The following DNMT1 variants were observed in gnomAD, a reference collection of about 807,000 sequenced individuals.
DNMT1 encodes DNA (cytosine-5)-methyltransferase 1.
A neutral mutation model predicts 205.3 loss-of-function variants in DNMT1; 24 were observed. The observed-to-expected ratio is 0.12, with a 90% CI of 0.08 to 0.16. The LOEUF (loss-of-function observed/expected upper bound fraction) is 0.16, where lower values mean the gene tolerates loss of function less well. DNMT1 is among the 10% of genes least tolerant of loss of function. The pLI, the probability that DNMT1 is intolerant of heterozygous loss-of-function variation, is 1.00. For missense variants in DNMT1, 1,293 were observed against 2,177.7 expected, an observed-to-expected ratio of 0.59 and a Z score of 8.09; for synonymous variants, 817 against 839.8, an observed-to-expected ratio of 0.97 and a Z score of 0.47.
chr19:10,180,068 C>T (rs2039015481), intron 5 of DNMT1, 119 bp downstream of exon 5: 1 of 446,172 alleles, frequency 2.2e-6, no homozygotes, highest in Non-Finnish European at 4.1e-6. Flanking sequence ...AATCCCAGCA[C>T]TTTGGGAGGC....
intron 27 of DNMT1, among the ~76,000 whole-genome samples, chr19:10,147,194 C>G (rs1017521518): frequency 6.6e-6 from 1 of 151,598 alleles, no homozygotes; most frequent in Non-Finnish European, 1.5e-5. Flanking sequence ...CCCAGCAGGT[C>G]GAGGCTACAG....
At position 10,148,445 on chromosome 19, in the gene DNMT1, A is replaced by G. The variant is rs149549709; in HGVS notation, c.2720+439T>C. Among the ~76,000 whole-genome samples the G allele has an allele frequency of 2.6e-3, 390 of 150,956 alleles. 2 individuals carry two copies. The highest frequency in any genetic ancestry group is 9.0e-3 in the African/African-American group (370 of 41,326). On this transcript the variant is annotated intron_variant, in intron 27 of 40. Coordinates refer to ENST00000359526, the MANE Select transcript of DNMT1 (RefSeq NM_001130823.3). ...CAGGAAGCTGAGTTTGCAGTAAGCCAAGATCGCACCACTGCACTCCAGCCT... is the reference window on the plus strand; with the variant it reads ...CAGGAAGCTGAGTTTGCAGTAAGCCGAGATCGCACCACTGCACTCCAGCCT...
intron 31 of DNMT1, 89 bp downstream of exon 31, chr19:10,141,016 C>T: frequency 6.2e-7 from 1 of 1,612,878 alleles, no homozygotes; most frequent in Non-Finnish European, 8.5e-7. Context: ...GAGTCAGTAA[C>T]ACCAGAGGTG....
At chr19:10,136,056 C>G (rs982765710) in intron 38 of DNMT1, 65 bp downstream of exon 38, 1 of 1,608,444 alleles carries the variant, frequency 6.2e-7, no homozygotes, top group Non-Finnish European at 8.5e-7. Flanking sequence ...ACCCACACTT[C>G]CACCTAGTTA....
chr19:10,133,586 C>G lies in DNMT1; in HGVS notation c.*81G>C. The G allele has an allele frequency of 6.7e-7, 1 of 1,489,912 alleles. No homozygotes were observed. The highest frequency in any genetic ancestry group is 9.2e-7 in the Non-Finnish European group (1 of 1,090,306). The allele number at this position is 1,489,912 out of a possible 1,614,324, so 92.3% of individuals were successfully genotyped here. A position where few individuals can be genotyped will look rare whatever the true frequency, so the allele number is the denominator to read the frequency against. ...ACCATGTACCACACATGTGAACGGA[C>G]AGATTGACATGTTAAAAACACAACA... On this transcript the variant is annotated 3_prime_UTR_variant, in exon 41 of 41. Transcript: ENST00000359526. The surrounding 1 kb of genome is among the most constrained non-coding windows in gnomAD (Gnocchi z 4.1).
intron 19 of DNMT1, 105 bp from the exon 20 acceptor site, chr19:10,155,161 G>A (rs1253561367): frequency 6.9e-7 from 1 of 1,452,410 alleles, no homozygotes; most frequent in African/African-American, 1.4e-5. Context: ...CAGTCTAAAA[G>A]TCATCCCGTA....
intron 9 of DNMT1, among the ~76,000 whole-genome samples, chr19:10,171,313 C>T (rs1349523792): frequency 6.6e-6 from 1 of 152,100 alleles, no homozygotes; most frequent in Non-Finnish European, 1.5e-5. Context: ...ATTAGATCTT[C>T]ACCAAGATCT....
In DNMT1 at chr19:10,148,340, C is replaced by A. The variant is rs1265287555; in HGVS notation, c.2720+544G>T. Among the ~76,000 whole-genome samples the A allele has an allele frequency of 3.4e-5, 5 of 148,056 alleles. No individual in the cohort carries two copies. In the East Asian group the frequency reaches 1.0e-3, roughly 30 times the overall value. On this transcript the variant is annotated intron_variant, in intron 27 of 40. Coordinates refer to ENST00000359526, the MANE Select transcript of DNMT1 (RefSeq NM_001130823.3). ...TGAAACCTCGTCTCTACTAAAAATACAAAAAACTAGCCGGGTGTGGTGGCA... is the reference window on the plus strand; with the variant it reads ...TGAAACCTCGTCTCTACTAAAAATAAAAAAAACTAGCCGGGTGTGGTGGCA...
intron 1 of DNMT1, among the ~76,000 whole-genome samples, chr19:10,182,465 GTGTA>G (rs2039079569): frequency 8.3e-6 from 1 of 121,170 alleles, no homozygotes; most frequent in Non-Finnish European, 1.8e-5. Context: ...ATATATATGT[GTGTA>G]TATATATACA....
At chr19:10,172,912 A>G (rs1485952953) in intron 9 of DNMT1, among the ~76,000 whole-genome samples, 178 bp downstream of exon 9, 1 of 152,190 alleles carries the variant, frequency 6.6e-6, no homozygotes, top group Non-Finnish European at 1.5e-5. Flanking sequence ...TTTCATGTAG[A>G]GACCACGAGA....
At chr19:10,148,763 C>A (rs764730947) in intron 27 of DNMT1, 121 bp downstream of exon 27, 1 of 1,560,528 alleles carries the variant, frequency 6.4e-7, no homozygotes. Context: ...TGGCCTTTGA[C>A]GAGCAAGAGA....
At chr19:10,176,167 C>G (rs1172191561) in intron 6 of DNMT1, among the ~76,000 whole-genome samples, 2 of 134,592 alleles carry the variant, frequency 1.5e-5, no homozygotes, top group African/African-American at 2.8e-5. Flanking sequence ...GACTCCGTAT[C>G]AAAAAAAAAA....
Position 10,159,521 on chromosome 19 carries a change from T to A in DNMT1, c.1280+137A>T. The A allele has an allele frequency of 1.1e-6, 1 of 923,786 alleles. No homozygotes were observed. Among genetic ancestry groups the A allele is most frequent in the Non-Finnish European group, 1.7e-6 (1 of 590,622 alleles). 57.2% of individuals were successfully genotyped at this position (923,786 alleles called of 1,614,324 possible). A position where few individuals can be genotyped will look rare whatever the true frequency, so the allele number is the denominator to read the frequency against. ...ACCGCGCCCAGCCCTCCACGGTGGC[T>A]CTTATCCACGAAGTGTTAGCTTAAG... is the stretch of plus-strand genomic sequence containing the variant. On this transcript the variant is annotated intron_variant, in intron 17 of 40. Transcript: ENST00000359526. This position sits in a 1 kb window ranked among gnomAD's most constrained non-coding sequence, Gnocchi z 5.0.
Position 10,143,933 on chromosome 19 carries a change from G to C in DNMT1, c.2949C>G (p.Asp983Glu). Residue 983 changes from aspartate (D) to glutamate (E), a missense_variant, in exon 29 of 41, where the codon GAC becomes GAG. Around this residue, in one of 13 missense-constraint regions of DNMT1, gnomAD observed 167 missense variants for 258.1 expected, o/e 0.65. Coordinates refer to ENST00000359526, the MANE Select transcript of DNMT1 (RefSeq NM_001130823.3). ...ATTTCCGGTAGTGCTCTGGGTACAG[G>C]TCCTCATCCACGGGCTCCTTCCGTG... ...KRPRKEPVDE[D>E]LYPEHYRKYS... 1 of 1,614,136 alleles carries C rather than the reference G, an allele frequency of 6.2e-7. No homozygotes were observed. Among genetic ancestry groups the C allele is most frequent in the Non-Finnish European group, 8.5e-7 (1 of 1,180,026 alleles).
intron 1 of DNMT1, among the ~76,000 whole-genome samples, chr19:10,188,999 G>A (rs899485451): frequency 3.3e-5 from 5 of 152,134 alleles, no homozygotes; most frequent in South Asian, 4.1e-4. Context: ...ATTTTCATCC[G>A]GTGAAACCCA....
At chr19:10,141,609 C>T (rs893485918) in intron 30 of DNMT1, 11 of 339,998 alleles carry the variant, frequency 3.2e-5, no homozygotes, top group African/African-American at 2.3e-4. Context: ...TAACGAGGGC[C>T]ACCCGCACAG....
At chr19:10,181,825 T>C (rs919742458) in intron 2 of DNMT1, among the ~76,000 whole-genome samples, 2 of 151,546 alleles carry the variant, frequency 1.3e-5, no homozygotes, top group African/African-American at 2.4e-5. Flanking sequence ...TGAGACTCTG[T>C]CTCAAAAAAC....
chr19:10,144,717 GGCACCTCGTATGA>G (rs2089666119), intron 28 of DNMT1: 1 of 153,552 alleles, frequency 6.5e-6, no homozygotes. Flanking sequence ...ACCTGTGATG[GGCACCTCGTATGA>G]GCGAGACAGC....
chr19:10,175,700 G>C, intron 6 of DNMT1, 82 bp from the exon 7 acceptor site: 1 of 1,343,840 alleles, frequency 7.4e-7, no homozygotes. Context: ...TCATTCACCA[G>C]GATGTTGAAA....
Sources: gnomAD v4.1 joint callset for allele counts (sites outside exome capture counted in the v4.1 genomes callset) on GRCh38, gnomAD v4.1.1 for gene constraint, gnomAD v4.1.1 regional missense constraint, Gnocchi (gnomAD v3.1) non-coding constraint, MANE v1.5 for transcripts, NCBI Gene and HGNC (gene_info 2026-07-23, HGNC 2026-07-21) for gene names.